The following PCDH10 variants were observed in gnomAD, a reference collection of about 807,000 sequenced individuals.
PCDH10 encodes protocadherin 10.
Under a neutral mutation model 74.4 loss-of-function variants are expected in PCDH10, and 15 were observed. The ratio of observed to expected loss-of-function variants is 0.20; its 90% CI spans 0.13 to 0.31. PCDH10 has a LOEUF of 0.31. Among genes scored for constraint, PCDH10 ranks in the 10% least tolerant of loss-of-function variants. The probability of loss-of-function intolerance (pLI) is 1.00; values close to 1 mark genes in which losing one functional copy is unlikely to be tolerated. For synonymous variants in PCDH10, 619 were observed against 589.8 expected (o/e 1.05, Z -0.72); for missense variants, 1,260 against 1,390.2 (o/e 0.91, Z 1.49).
Position 133,151,252 on chromosome 4 carries a change from C to G in PCDH10, c.1112C>G (p.Ala371Gly), listed in dbSNP as rs1204322268. Residue 371 changes from alanine (A) to glycine (G), a missense_variant, in exon 1 of 5, where the codon GCG becomes GGG. This residue lies in a region of PCDH10 where 112 missense variants were observed against 123.6 expected (regional missense o/e 0.91). Coordinates refer to ENST00000264360, the MANE Select transcript of PCDH10 (RefSeq NM_032961.3). ...STVKEAVSEG[A>G]APGTVVALFS... is the part of the protein sequence containing the mutation. ...GTGAAGGAAGCGGTGAGTGAGGGCG[C>G]GGCGCCCGGCACTGTGGTGGCCCTT... 6.2e-7 allele frequency: 1 copy of G among 1,613,800 alleles called. No homozygotes were observed. The highest frequency in any genetic ancestry group is 1.3e-5 in the African/African-American group (1 of 74,874).
chr4:133,173,449 A>T (rs1187969499), intron 4 of PCDH10, among the ~76,000 whole-genome samples: 1 of 151,968 alleles, frequency 6.6e-6, no homozygotes, highest in African/African-American at 2.4e-5. Flanking sequence ...CTCCTGAGGG[A>T]TATGGAAACA....
At position 133,152,884 on chromosome 4, in the gene PCDH10, T is replaced by C. The variant is rs116045948; in HGVS notation, c.2631+113T>C. 1,762 of 1,488,604 alleles carry C rather than the reference T, an allele frequency of 1.2e-3. 17 individuals are homozygous for C. In the African/African-American group the frequency reaches 0.02, roughly 17 times the overall value. The allele number at this position is 1,488,604 out of a possible 1,614,324, so 92.2% of individuals were successfully genotyped here. ...TATCTATTTTTAGGATATTAGCTTA[T>C]GTGTATCGTTGTGGGAGCAGAGATG... is the stretch of plus-strand genomic sequence containing the variant. On this transcript the variant is annotated intron_variant, in intron 1 of 4. Transcript: ENST00000264360.
In PCDH10 at chr4:133,156,074, A is replaced by G. The variant is rs566582351; in HGVS notation, c.2797+1051A>G. On this transcript the variant is annotated intron_variant, in intron 3 of 4. Coordinates refer to ENST00000264360, the MANE Select transcript of PCDH10 (RefSeq NM_032961.3). ...AGACTGGACCTTTATTTTACTTAAT[A>G]ATATAACCATAGAGTGATAGGTTCT... Among the ~76,000 whole-genome samples, 5 of 152,318 alleles carry G rather than the reference A, an allele frequency of 3.3e-5. No homozygotes were observed. The South Asian group carries it at 1.0e-3, about 32-fold the overall frequency.
At chr4:133,163,925 TATAACGTG>T in intron 4 of PCDH10, 1 of 446,812 alleles carries the variant, frequency 2.2e-6, no homozygotes, top group Middle Eastern at 3.4e-4. Context: ...CTTTATGAAG[TATAACGTG>T]AAAAGCAAAG....
At chr4:133,166,312 C>T (rs920281895) in intron 4 of PCDH10, among the ~76,000 whole-genome samples, 8 of 151,484 alleles carry the variant, frequency 5.3e-5, no homozygotes, top group African/African-American at 1.9e-4. Flanking sequence ...CACAAAAATA[C>T]CATTTCATTT....
At chr4:133,195,089 G>T (rs953496250), downstream of PCDH10, among the ~76,000 whole-genome samples, 1 of 152,050 alleles carries the variant, frequency 6.6e-6, no homozygotes, top group South Asian at 2.1e-4. Flanking sequence ...AATAAAATCC[G>T]TATGGGTATC....
At chr4:133,152,809 C>G in intron 1 of PCDH10, 38 bp downstream of exon 1, 1 of 1,612,950 alleles carries the variant, frequency 6.2e-7, no homozygotes, top group Non-Finnish European at 8.5e-7. Flanking sequence ...CTCTCATCTC[C>G]TCCATCAGAA....
chr4:133,167,281 A>C (rs1224186870), intron 4 of PCDH10, among the ~76,000 whole-genome samples: 1 of 151,724 alleles, frequency 6.6e-6, no homozygotes, highest in Non-Finnish European at 1.5e-5. Context: ...TTGAAATTGT[A>C]GAACATGTTT....
At chr4:133,188,980 C>T (rs1727599794) in intron 4 of PCDH10, among the ~76,000 whole-genome samples, 1 of 151,844 alleles carries the variant, frequency 6.6e-6, no homozygotes, top group African/African-American at 2.4e-5. Flanking sequence ...CGGCCGACTG[C>T]TATGGTTTTG....
rs1727703858 is a variant in PCDH10 at position 133,192,614 on chromosome 4, A to C, written c.*2454A>C. ...ATATATCCTAGGAACTAGTTATACTAACTTACATTTTAGTTATCATCAATC... is the reference window on the plus strand; with the variant it reads ...ATATATCCTAGGAACTAGTTATACTCACTTACATTTTAGTTATCATCAATC... On this transcript the variant is annotated 3_prime_UTR_variant, in exon 5 of 5. Transcript: ENST00000264360. 6.6e-6 allele frequency: 1 copy of C among 151,612 alleles called. No individual in the cohort carries two copies. The highest frequency in any genetic ancestry group is 2.4e-5 in the African/African-American group (1 of 41,410). 9.4% of individuals were successfully genotyped at this position (151,612 alleles called of 1,614,324 possible).
At chr4:133,199,898 C>T (rs956256196) in intron 2 of PCDH10, among the ~76,000 whole-genome samples, 9 of 150,766 alleles carry the variant, frequency 6.0e-5, no homozygotes, top group Non-Finnish European at 1.2e-4. Context: ...CCCGAGTTCA[C>T]GCCATTCTGC....
chr4:133,180,098 T>G lies in PCDH10; in HGVS notation c.3104-10043T>G, dbSNP rs184992923. On this transcript the variant is annotated intron_variant, in intron 4 of 4. Coordinates refer to ENST00000264360, the MANE Select transcript of PCDH10 (RefSeq NM_032961.3). ...CCTAACTATACTAGTTATTTTATTCTTTCTTCTGGTATATCACTTTGTCTT... is the reference window on the plus strand; with the variant it reads ...CCTAACTATACTAGTTATTTTATTCGTTCTTCTGGTATATCACTTTGTCTT... Among the ~76,000 whole-genome samples, 17 of 152,240 alleles carry G rather than the reference T, an allele frequency of 1.1e-4. No individual in the cohort carries two copies. The East Asian group carries it at 3.1e-3, about 28-fold the overall frequency.
intron 4 of PCDH10, among the ~76,000 whole-genome samples, chr4:133,171,718 T>C (rs1578568234): frequency 6.6e-6 from 1 of 152,248 alleles, no homozygotes; most frequent in Admixed American, 6.5e-5. Flanking sequence ...TTGCCAGACA[T>C]TGTATACTTA....
At chr4:133,170,762 G>T (rs1250068441) in intron 4 of PCDH10, among the ~76,000 whole-genome samples, 4 of 151,986 alleles carry the variant, frequency 2.6e-5, no homozygotes, top group Non-Finnish European at 5.9e-5. Context: ...GTGCGATCTT[G>T]GCTCACTGCC....
chr4:133,189,027 C>A (rs1043966497), intron 4 of PCDH10, among the ~76,000 whole-genome samples: 9 of 151,942 alleles, frequency 5.9e-5, no homozygotes, highest in Non-Finnish European at 1.0e-4. Flanking sequence ...TAGTAAAGAA[C>A]TGTTTCATGG....
Position 133,152,626 on chromosome 4 carries a change from C to A in PCDH10, c.2486C>A (p.Ser829Tyr). The A allele has an allele frequency of 1.2e-6, 2 of 1,614,198 alleles. No individual in the cohort carries two copies. The highest frequency in any genetic ancestry group is 1.7e-6 in the Non-Finnish European group (2 of 1,180,048). ...TATCAGGTATGCCTGACCCCTGAGT[C>A]CGCCAAGACCGACCTGATGTTTCTT... ...YCYQVCLTPE[S>Y]AKTDLMFLKP... Residue 829 changes from serine (S) to tyrosine (Y), a missense_variant, in exon 1 of 5, where the codon TCC becomes TAC. Around this residue, in one of 11 missense-constraint regions of PCDH10, gnomAD observed 587 missense variants for 616.9 expected, o/e 0.95. Coordinates refer to ENST00000264360, the MANE Select transcript of PCDH10 (RefSeq NM_032961.3).
chr4:133,181,138 A>G (rs1291967687), intron 4 of PCDH10, among the ~76,000 whole-genome samples: 2 of 151,978 alleles, frequency 1.3e-5, no homozygotes, highest in East Asian at 1.9e-4. Context: ...TTAATATGCT[A>G]TATCCATCTC....
At chr4:133,167,437 T>C (rs1444676571) in intron 4 of PCDH10, among the ~76,000 whole-genome samples, 3 of 151,604 alleles carry the variant, frequency 2.0e-5, no homozygotes, top group Non-Finnish European at 4.4e-5. Context: ...ATTACCTTCA[T>C]ACTTATGTAC....
chr4:133,189,993 C>G, intron 4 of PCDH10, 148 bp from the exon 5 acceptor site: 1 of 668,142 alleles, frequency 1.5e-6, no homozygotes, highest in Non-Finnish European at 2.7e-6. Context: ...GCTGTGACTA[C>G]TAGCAGTGAA....
Sources: allele counts gnomAD v4.1 joint callset (sites outside exome capture counted in the v4.1 genomes callset), GRCh38; gene constraint gnomAD v4.1.1; regional missense constraint gnomAD v4.1.1; transcripts MANE v1.5; gene names NCBI Gene and HGNC (gene_info 2026-07-23, HGNC 2026-07-21).